Variants in RNF13 observed in about 807,000 individuals in gnomAD.
RNF13 encodes ring finger protein 13, also known as E3 ubiquitin-protein ligase RNF13.
Under a neutral mutation model 37.7 loss-of-function variants are expected in RNF13, and 19 were observed. The ratio of observed to expected loss-of-function variants is 0.50; its 90% CI spans 0.35 to 0.74. The LOEUF (loss-of-function observed/expected upper bound fraction) is 0.74, where lower values mean the gene tolerates loss of function less well. Among genes scored for constraint, RNF13 ranks in the 30% least tolerant of loss-of-function variants. The probability of loss-of-function intolerance (pLI) is 0.01; values close to 1 mark genes in which losing one functional copy is unlikely to be tolerated. For missense variants in RNF13, 375 were observed against 453.0 expected, an observed-to-expected ratio of 0.83 and a Z score of 1.56; for synonymous variants, 144 against 157.8, an observed-to-expected ratio of 0.91 and a Z score of 0.65.
intron 1 of RNF13, among the ~76,000 whole-genome samples, chr3:149,835,630 C>G (rs898495069): frequency 8.6e-6 from 1 of 115,904 alleles, no homozygotes; most frequent in African/African-American, 3.5e-5. Context: ...GCGTAGTATT[C>G]CATTGTGTGT....
At position 149,960,066 on chromosome 3, in the gene RNF13, T is replaced by A; in HGVS notation, c.711T>A (p.Tyr237Ter). Residue 237 changes from tyrosine to a stop codon, truncating the protein, a stop_gained, in exon 9 of 10, where the codon TAT becomes TAA. Coordinates refer to ENST00000392894, the MANE Select transcript of RNF13 (RefSeq NM_183381.3). LOFTEE classifies it high-confidence loss of function. ...ATTTTCTGTTTTCAGGAGATGAGTA[T>A]GATGTATGTGCCATTTGTTTGGATG... is the stretch of plus-strand genomic sequence containing the variant. Reference protein sequence around the residue: ...PVHKFKKGDEYDVCAICLDEY... With the variant: ...PVHKFKKGDE The A allele has an allele frequency of 6.2e-7, 1 of 1,610,532 alleles. No homozygotes were observed. The highest frequency in any genetic ancestry group is 8.5e-7 in the Non-Finnish European group (1 of 1,176,948).
chr3:149,850,097 A>C (rs935578474), intron 2 of RNF13, among the ~76,000 whole-genome samples: 5 of 151,618 alleles, frequency 3.3e-5, no homozygotes, highest in Admixed American at 6.6e-5. Flanking sequence ...CTCCTGCCTC[A>C]GCCTTGCAAG....
At chr3:149,948,976 C>T (rs185826934) in intron 8 of RNF13, among the ~76,000 whole-genome samples, 5 of 151,868 alleles carry the variant, frequency 3.3e-5, no homozygotes, top group African/African-American at 1.2e-4. Flanking sequence ...TGCCGAGAGT[C>T]GAGATCATGC....
At chr3:149,846,169 A>G in intron 2 of RNF13, 29 bp downstream of exon 2, 2 of 1,370,262 alleles carry the variant, frequency 1.5e-6, no homozygotes, top group Middle Eastern at 1.8e-4. Context: ...ATTCATGTCT[A>G]GAAACATCCC....
chr3:149,868,256 A>T (rs187906707), intron 3 of RNF13, among the ~76,000 whole-genome samples: 1 of 151,776 alleles, frequency 6.6e-6, no homozygotes, highest in Non-Finnish European at 1.5e-5. Context: ...TTATGGTGTG[A>T]GTATTCTGGG....
At chr3:149,941,869 G>A (rs1246249005) in intron 8 of RNF13, among the ~76,000 whole-genome samples, 2 of 125,864 alleles carry the variant, frequency 1.6e-5, no homozygotes, top group Non-Finnish European at 3.5e-5. Flanking sequence ...TATGTAAGGT[G>A]TAAGTTAAGG....
intron 4 of RNF13, among the ~76,000 whole-genome samples, chr3:149,874,644 A>G (rs1359695091): frequency 6.6e-6 from 1 of 152,132 alleles, no homozygotes; most frequent in Admixed American, 6.5e-5. Flanking sequence ...GGTAAGTCAC[A>G]TGTGATATAG....
chr3:149,905,663 T>C (rs1716310929), intron 6 of RNF13, among the ~76,000 whole-genome samples: 1 of 152,074 alleles, frequency 6.6e-6, no homozygotes. Flanking sequence ...CATTTATACT[T>C]GTATGGTTTT....
chr3:149,821,513 T>C (rs1162018871), intron 1 of RNF13, among the ~76,000 whole-genome samples: 1 of 152,144 alleles, frequency 6.6e-6, no homozygotes, highest in African/African-American at 2.4e-5. Flanking sequence ...AAAAACTACA[T>C]TGTTGGTGTT....
chr3:149,855,270 G>A (rs191963510), intron 3 of RNF13, among the ~76,000 whole-genome samples: 4 of 152,194 alleles, frequency 2.6e-5, no homozygotes, highest in Non-Finnish European at 2.9e-5. Flanking sequence ...AGTGAGCCGC[G>A]ATCAAGCCAT....
At chr3:149,858,096 C>T (rs1232673703) in intron 3 of RNF13, among the ~76,000 whole-genome samples, 3 of 152,176 alleles carry the variant, frequency 2.0e-5, no homozygotes, top group Non-Finnish European at 2.9e-5. Flanking sequence ...TTCACATATG[C>T]CCACTTCTCC....
rs528465407 is a variant in RNF13, at chr3:149,836,432, G to GTA, written c.-16-9567_-16-9566dup. On this transcript the variant is annotated intron_variant, in intron 1 of 9. Transcript: ENST00000392894. ...TACATGTATTTTAGTATGGCTATAT[G>GTA]TATATATATATATTGTATATATATG... Among the ~76,000 whole-genome samples, 119 of 151,368 alleles carry GTA rather than the reference G, an allele frequency of 7.9e-4. 2 individuals carry two copies. The South Asian group carries it at 0.019, about 24-fold the overall frequency.
chr3:149,834,513 CAT>C (rs1468482939), intron 1 of RNF13, among the ~76,000 whole-genome samples: 1 of 152,214 alleles, frequency 6.6e-6, no homozygotes, highest in Non-Finnish European at 1.5e-5. Context: ...CACCAAGTCT[CAT>C]ATTGATATTT....
intron 1 of RNF13, among the ~76,000 whole-genome samples, chr3:149,819,493 A>T (rs147917896): frequency 1.3e-4 from 20 of 152,354 alleles, no homozygotes; most frequent in African/African-American, 4.1e-4. Context: ...ATTGTGCTAG[A>T]TGCTAGGTAT....
chr3:149,881,017 G>A (rs1468243138), intron 4 of RNF13, among the ~76,000 whole-genome samples: 1 of 152,048 alleles, frequency 6.6e-6, no homozygotes, highest in Non-Finnish European at 1.5e-5. Flanking sequence ...CTACCTATAC[G>A]ATAATAACTT....
chr3:149,839,807 C>A (rs1428100398), intron 1 of RNF13, among the ~76,000 whole-genome samples: 1 of 152,150 alleles, frequency 6.6e-6, no homozygotes, highest in Non-Finnish European at 1.5e-5. Flanking sequence ...TCCGTTGTCT[C>A]CATTATTCCG....
intron 7 of RNF13, among the ~76,000 whole-genome samples, chr3:149,917,897 C>T (rs1370804330): frequency 2.0e-5 from 3 of 152,164 alleles, no homozygotes; most frequent in Non-Finnish European, 2.9e-5. Flanking sequence ...TTAAAATTAA[C>T]TCATTTAAAG....
chr3:149,875,064 G>A (rs1179399032), intron 4 of RNF13, among the ~76,000 whole-genome samples: 32 of 151,998 alleles, frequency 2.1e-4, no homozygotes, highest in Admixed American at 2.1e-3. Flanking sequence ...TTTGTATGAT[G>A]CATTGACTTA....
chr3:149,883,500 A>G (rs1010624605), intron 4 of RNF13, among the ~76,000 whole-genome samples: 10 of 152,008 alleles, frequency 6.6e-5, no homozygotes, highest in Non-Finnish European at 1.5e-4. Context: ...CTTGAACGTA[A>G]TTTATAATTT....
Sources: gnomAD v4.1 joint callset for allele counts (sites outside exome capture counted in the v4.1 genomes callset) on GRCh38, gnomAD v4.1.1 for gene constraint, MANE v1.5 for transcripts, NCBI Gene and HGNC (gene_info 2026-07-23, HGNC 2026-07-21) for gene names.